Variants in PROK2 observed in about 807,000 individuals in gnomAD.
The protein encoded by PROK2 is prokineticin-2.
In PROK2, 8 loss-of-function variants were observed where a neutral mutation model predicts 14.2. That is an observed-to-expected ratio of 0.56 (90% CI 0.33 to 1.02). The LOEUF is 1.02. PROK2 is among the 50% of genes least tolerant of loss of function. The probability of loss-of-function intolerance (pLI) is 0.03; values close to 1 mark genes in which losing one functional copy is unlikely to be tolerated. For synonymous variants in PROK2, 59 were observed against 60.7 expected, an observed-to-expected ratio of 0.97 and a Z score of 0.13; for missense variants, 154 against 160.4, an observed-to-expected ratio of 0.96 and a Z score of 0.22.
chr3:71,785,120 G>T lies in PROK2; in HGVS notation c.-68C>A. The T allele has an allele frequency of 9.5e-7, 1 of 1,049,320 alleles. No individual in the cohort carries two copies. The highest frequency in any genetic ancestry group is 1.2e-6 in the Non-Finnish European group (1 of 827,136). The allele number at this position is 1,049,320 out of a possible 1,614,324, so 65.0% of individuals were successfully genotyped here. A position where few individuals can be genotyped will look rare whatever the true frequency, so the allele number is the denominator to read the frequency against. The stretch of plus-strand genomic sequence containing the variant: ...GCGGGGCCCGGGTGCGCTGGGTGGA[G>T]CGCGGAGCGGCGGGCGGACGGGCGC... On this transcript the variant is annotated 5_prime_UTR_variant, in exon 1 of 4. Coordinates refer to ENST00000295619, the MANE Select transcript of PROK2 (RefSeq NM_001126128.2).
At chr3:71,778,026 T>C (rs532087758) in intron 2 of PROK2, among the ~76,000 whole-genome samples, 2 of 152,118 alleles carry the variant, frequency 1.3e-5, no homozygotes, top group African/African-American at 4.8e-5. Context: ...AAACCCCGTC[T>C]CTACGAAAAA....
intron 3 of PROK2, among the ~76,000 whole-genome samples, chr3:71,773,871 C>A (rs1384583173): frequency 5.3e-5 from 8 of 152,192 alleles, no homozygotes; most frequent in Admixed American, 5.2e-4. Context: ...ATGGTATACA[C>A]ACCAAATATG....
chr3:71,780,545 C>T (rs903386490), intron 2 of PROK2, among the ~76,000 whole-genome samples: 8 of 152,224 alleles, frequency 5.3e-5, no homozygotes, highest in African/African-American at 1.9e-4. Context: ...CTCTGCCTCT[C>T]GAAAACCACC....
chr3:71,782,871 G>A (rs796114825), intron 1 of PROK2, among the ~76,000 whole-genome samples: 37 of 152,214 alleles, frequency 2.4e-4, no homozygotes, highest in African/African-American at 8.9e-4. Flanking sequence ...CAAAGTATCT[G>A]GATAAAAGCT....
At position 71,784,993 on chromosome 3, in the gene PROK2, G is replaced by C. The variant is rs1215631785; in HGVS notation, c.60C>G (p.Leu20=). The C allele has an allele frequency of 2.4e-6, 3 of 1,249,184 alleles. No individual in the cohort carries two copies. Among genetic ancestry groups the C allele is most frequent in the East Asian group, 3.1e-5 (1 of 31,994 alleles). 77.4% of individuals were successfully genotyped at this position (1,249,184 alleles called of 1,614,324 possible). Residue 20 remains leucine (L), a synonymous_variant, in exon 1 of 4, where the codon CTC becomes CTG. Transcript: ENST00000295619. ...CGGCGGCGTCCCCAGCGCGGGGCGTGAGCAGCAGCGGCGGCAGCAGCAAGA... is the reference window on the plus strand; with the variant it reads ...CGGCGGCGTCCCCAGCGCGGGGCGTCAGCAGCAGCGGCGGCAGCAGCAAGA... The part of the protein sequence containing the change: ...LLLLLLPPLL[L]TPRAGDAAVI...
At chr3:71,772,903 C>T in intron 3 of PROK2, 75 bp from the exon 4 acceptor site, 1 of 1,274,852 alleles carries the variant, frequency 7.8e-7, no homozygotes, top group African/African-American at 1.5e-5. Context: ...CTTGAGATAG[C>T]TCTTTAAATA....
In PROK2 at chr3:71,774,830, A is replaced by G. The variant is rs151010438; in HGVS notation, c.223-323T>C. On this transcript the variant is annotated intron_variant, in intron 2 of 3. Coordinates refer to ENST00000295619, the MANE Select transcript of PROK2 (RefSeq NM_001126128.2). Reference sequence around the variant, plus strand: ...TGAGTACAGCTAGACTGGCTTAGACAGTTATAAGTGGATAGCATGAGAAGT... The same window carrying G: ...TGAGTACAGCTAGACTGGCTTAGACGGTTATAAGTGGATAGCATGAGAAGT... Among the ~76,000 whole-genome samples the G allele has an allele frequency of 9.2e-5, 14 of 152,188 alleles. 1 individual carries two copies. The highest frequency in any genetic ancestry group is 3.1e-4 in the African/African-American group (13 of 41,518).
chr3:71,784,970 GC>G lies in PROK2; in HGVS notation c.82del (p.Ala28ProfsTer2). 8.0e-7 allele frequency: 1 copy of G among 1,248,664 alleles called. No individual in the cohort carries two copies. 77.3% of individuals were successfully genotyped at this position (1,248,664 alleles called of 1,614,324 possible). ...CGGGCCGCTTACCCCGGTGATCACG[GC>G]GGCGTCCCCAGCGCGGGGCGTGAGC... is the stretch of plus-strand genomic sequence containing the variant. ...LLLTPRAGDA[A>X]VITGACDKDS... On this transcript the variant is annotated frameshift_variant, in exon 1 of 4. Transcript: ENST00000295619. LOFTEE classifies it high-confidence loss of function.
Position 71,774,513 on chromosome 3 carries a change from A to G in PROK2, c.223-6T>C, listed in dbSNP as rs903217279. ...CTTCCATTTCCAAAATTGTTCTGGAAGGGCCAGGGAGACGATTGAGATCAA... is the reference window on the plus strand; with the variant it reads ...CTTCCATTTCCAAAATTGTTCTGGAGGGGCCAGGGAGACGATTGAGATCAA... On this transcript the variant is annotated splice_region_variant and splice_polypyrimidine_tract_variant and intron_variant, in intron 2 of 3. Coordinates refer to ENST00000295619, the MANE Select transcript of PROK2 (RefSeq NM_001126128.2). 7.7e-6 allele frequency: 12 copies of G among 1,550,160 alleles called. No homozygotes were observed. Among genetic ancestry groups the G allele is most frequent in the Admixed American group, 2.0e-5 (1 of 50,742 alleles).
chr3:71,775,377 T>A (rs1374660644), intron 2 of PROK2, among the ~76,000 whole-genome samples: 1 of 152,130 alleles, frequency 6.6e-6, no homozygotes, highest in Non-Finnish European at 1.5e-5. Context: ...TCGTGGAGCT[T>A]CCCTCTTGAT....
chr3:71,777,472 G>GT (rs2050128881), intron 2 of PROK2, among the ~76,000 whole-genome samples: 1 of 151,930 alleles, frequency 6.6e-6, no homozygotes, highest in African/African-American at 2.4e-5. Context: ...TGGTTCTAAA[G>GT]TAGAAACCAC....
intron 1 of PROK2, among the ~76,000 whole-genome samples, chr3:71,784,731 A>G (rs998817372): frequency 2.0e-5 from 3 of 152,230 alleles, no homozygotes; most frequent in Non-Finnish European, 4.4e-5. Flanking sequence ...GGTGGGCGAC[A>G]TCCTTGTCAC....
chr3:71,784,169 T>G (rs2050192165), intron 1 of PROK2, among the ~76,000 whole-genome samples: 1 of 151,976 alleles, frequency 6.6e-6, no homozygotes. Context: ...AGTATTGTAC[T>G]GCAAACCCAA....
At chr3:71,775,255 A>G (rs1224345987) in intron 2 of PROK2, among the ~76,000 whole-genome samples, 1 of 152,234 alleles carries the variant, frequency 6.6e-6, no homozygotes, top group African/African-American at 2.4e-5. Context: ...AGAGATCACC[A>G]AATATGTTTC....
chr3:71,776,351 CTTTTCGCTTTTCAT>C (rs2050118484), intron 2 of PROK2, among the ~76,000 whole-genome samples: 1 of 130,456 alleles, frequency 7.7e-6, no homozygotes, highest in African/African-American at 3.0e-5. Context: ...TTCTTTTTTT[CTTTTCGCTTTTCAT>C]TTTTTTTTTT....
At chr3:71,780,283 CT>C (rs1254133202) in intron 2 of PROK2, among the ~76,000 whole-genome samples, 1 of 152,246 alleles carries the variant, frequency 6.6e-6, no homozygotes, top group Admixed American at 6.5e-5. Flanking sequence ...CACATTATAG[CT>C]TGCAGAGTTA....
Position 71,781,601 on chromosome 3 carries a change from T to C in PROK2, c.97-9A>G, listed in dbSNP as rs373360007. 5.0e-6 allele frequency: 8 copies of C among 1,608,996 alleles called. No homozygotes were observed. The highest frequency in any genetic ancestry group is 2.2e-5 in the East Asian group (1 of 44,854). ...GAGTCCTTGTCACAAGCCTGAAATG[T>C]AATAAACAAACAGATAAATATAGAT... On this transcript the variant is annotated splice_polypyrimidine_tract_variant and intron_variant, in intron 1 of 3. Coordinates refer to ENST00000295619, the MANE Select transcript of PROK2 (RefSeq NM_001126128.2).
At chr3:71,783,077 C>T (rs907917773) in intron 1 of PROK2, among the ~76,000 whole-genome samples, 1 of 152,196 alleles carries the variant, frequency 6.6e-6, no homozygotes, top group African/African-American at 2.4e-5. Context: ...AAAATACCTA[C>T]ATACACTACC....
chr3:71,781,386 A>G, intron 2 of PROK2, 81 bp downstream of exon 2: 1 of 1,535,840 alleles, frequency 6.5e-7, no homozygotes, highest in Non-Finnish European at 9.0e-7. Flanking sequence ...CGAGCACGTT[A>G]CCCAGTCCTT....
Sources: gnomAD v4.1 joint callset for allele counts (sites outside exome capture counted in the v4.1 genomes callset) on GRCh38, gnomAD v4.1.1 for gene constraint, MANE v1.5 for transcripts, NCBI Gene and HGNC (gene_info 2026-07-23, HGNC 2026-07-21) for gene names.